TRAPPC9: variants seen among roughly 807,000 people sequenced by gnomAD.
TRAPPC9 encodes trafficking protein particle complex subunit 9, also known as IKK2 binding protein.
Under a neutral mutation model 124.0 loss-of-function variants are expected in TRAPPC9, and 83 were observed. The observed-to-expected ratio is 0.67, with a 90% CI of 0.56 to 0.80. The LOEUF (loss-of-function observed/expected upper bound fraction) is 0.80. TRAPPC9 is among the 30% of genes least tolerant of loss of function. TRAPPC9 has a pLI of 0.00. For missense variants in TRAPPC9, 1,302 were observed against 1,508.3 expected (o/e 0.86, Z 2.27); for synonymous variants, 638 against 617.5 (o/e 1.03, Z -0.49).
intron 7 of TRAPPC9, among the ~76,000 whole-genome samples, chr8:140,374,296 G>A (rs1000869729): frequency 5.9e-5 from 9 of 152,126 alleles, no homozygotes; most frequent in African/African-American, 1.4e-4. Context: ...TTGGCCGGGC[G>A]CAGTGGCGCA....
intron 18 of TRAPPC9, among the ~76,000 whole-genome samples, chr8:139,991,681 G>A (rs1033503334): frequency 4.6e-5 from 7 of 151,950 alleles, no homozygotes; most frequent in African/African-American, 1.7e-4. Flanking sequence ...TCTCTGAAGG[G>A]GACAGACACG....
In TRAPPC9 at chr8:139,949,617, T is replaced by C. The variant is rs548696549; in HGVS notation, c.2810+39109A>G. On this transcript the variant is annotated intron_variant, in intron 19 of 22. Coordinates refer to ENST00000438773, the MANE Select transcript of TRAPPC9 (RefSeq NM_001160372.4). ...TCAACATGAATAGACCCTGATTACA[T>C]TACATGCTGAGTAAAGCAGCCAGTC... Among the ~76,000 whole-genome samples, 21 of 152,224 alleles carry C rather than the reference T, an allele frequency of 1.4e-4. 1 individual carries two copies. In the South Asian group the frequency reaches 1.4e-3, roughly 10 times the overall value.
chr8:140,340,860 T>C, intron 9 of TRAPPC9, among the ~76,000 whole-genome samples: 1 of 152,228 alleles, frequency 6.6e-6, no homozygotes. Context: ...TGAGACTCTT[T>C]AAGAGCAGCA....
chr8:139,872,095 A>G (rs1828942110), intron 21 of TRAPPC9, among the ~76,000 whole-genome samples: 4 of 128,422 alleles, frequency 3.1e-5, no homozygotes, highest in African/African-American at 6.0e-5. Flanking sequence ...TGGTTGGATG[A>G]GTGGATGGAT....
intron 17 of TRAPPC9, among the ~76,000 whole-genome samples, chr8:140,108,128 G>T (rs2060701415): frequency 6.6e-6 from 1 of 151,680 alleles, no homozygotes; most frequent in Non-Finnish European, 1.5e-5. Context: ...GTGGGGGCGG[G>T]GAGTTAAGAA....
chr8:139,950,414 C>T (rs1563946195), intron 19 of TRAPPC9, among the ~76,000 whole-genome samples: 1 of 152,220 alleles, frequency 6.6e-6, no homozygotes, highest in African/African-American at 2.4e-5. Flanking sequence ...AATTGAAGTT[C>T]AGGGTGGTTG....
intron 20 of TRAPPC9, among the ~76,000 whole-genome samples, chr8:139,890,861 T>C (rs1050402437): frequency 6.6e-6 from 1 of 151,484 alleles, no homozygotes; most frequent in African/African-American, 2.4e-5. Flanking sequence ...AATAAAAAAA[T>C]TTAAAAATTT....
At chr8:139,935,592 G>T (rs1833457045) in intron 19 of TRAPPC9, among the ~76,000 whole-genome samples, 1 of 151,860 alleles carries the variant, frequency 6.6e-6, no homozygotes, top group Admixed American at 6.6e-5. Context: ...GCTCCAAGCT[G>T]GGAAACAGGG....
At chr8:140,101,142 G>A (rs764286491) in intron 17 of TRAPPC9, among the ~76,000 whole-genome samples, 16 of 152,170 alleles carry the variant, frequency 1.1e-4, no homozygotes, top group Non-Finnish European at 2.4e-4. Context: ...ATCAAAATGA[G>A]CATATCTTTT....
Position 140,360,066 on chromosome 8 carries a change from G to C in TRAPPC9, c.1479C>G (p.Asp493Glu). Reference protein sequence around the residue: ...HLSFLLQTMLDFLSDQEKKDV... With the variant: ...HLSFLLQTMLEFLSDQEKKDV... ...CTCACTCACCCTGATCCGACAAGAA[G>C]TCCAGCATGGTCTGTAGAAGGAAGG... Residue 493 changes from aspartate to glutamate, a missense_variant, in exon 9 of 23, where the codon GAC (aspartate) becomes GAG (glutamate). Physicochemically the swap from Asp to Glu is conservative, Grantham distance 45. Around this residue, in one of 3 missense-constraint regions of TRAPPC9, gnomAD observed 657 missense variants for 811.2 expected, o/e 0.81. Transcript: ENST00000438773. 3 of 1,614,178 alleles carry C rather than the reference G, an allele frequency of 1.9e-6. No homozygotes were observed. Among genetic ancestry groups the C allele is most frequent in the Non-Finnish European group, 2.5e-6 (3 of 1,180,038 alleles).
At chr8:140,190,092 AGGAG>A (rs2062452047) in intron 17 of TRAPPC9, among the ~76,000 whole-genome samples, 1 of 152,248 alleles carries the variant, frequency 6.6e-6, no homozygotes, top group African/African-American at 2.4e-5. Flanking sequence ...GTCCTATACC[AGGAG>A]CTCTGGTCGG....
intron 17 of TRAPPC9, among the ~76,000 whole-genome samples, chr8:140,202,741 A>G (rs2062823371): frequency 6.6e-6 from 1 of 152,218 alleles, no homozygotes; most frequent in Non-Finnish European, 1.5e-5. Flanking sequence ...TCCAGAGGTC[A>G]ATCTTAACCT....
At chr8:140,122,025 C>CTT (rs1487906471) in intron 17 of TRAPPC9, among the ~76,000 whole-genome samples, 6 of 127,152 alleles carry the variant, frequency 4.7e-5, no homozygotes, top group African/African-American at 2.3e-4. Context: ...TTCTTTCTTT[C>CTT]TCTCTCTCTC....
chr8:139,984,410 G>A lies in TRAPPC9; in HGVS notation c.2810+4316C>T, dbSNP rs998778109. 1.9e-4 allele frequency among the ~76,000 whole-genome samples: 29 copies of A among 149,882 alleles called. No individual in the cohort carries two copies. Among genetic ancestry groups the A allele is most frequent in the Non-Finnish European group, 3.6e-4 (24 of 67,346 alleles). On this transcript the variant is annotated intron_variant, in intron 19 of 22. Coordinates refer to ENST00000438773, the MANE Select transcript of TRAPPC9 (RefSeq NM_001160372.4). The surrounding 1 kb of genome is among the most constrained non-coding windows in gnomAD (Gnocchi z 4.3). ...CCCTCCCCACTCCAGAGGGCAGATC[G>A]CAGGCAAAAGAAGCTTCTTTAGGTT... is the stretch of plus-strand genomic sequence containing the variant.
intron 7 of TRAPPC9, among the ~76,000 whole-genome samples, chr8:140,378,024 G>A (rs1057192607): frequency 5.3e-5 from 8 of 152,092 alleles, no homozygotes; most frequent in African/African-American, 1.7e-4. Context: ...AGTGTATTTG[G>A]GGTCTAACAT....
At chr8:140,406,565 G>C in intron 5 of TRAPPC9, among the ~76,000 whole-genome samples, 1 of 152,088 alleles carries the variant, frequency 6.6e-6, no homozygotes, top group Non-Finnish European at 1.5e-5. Flanking sequence ...TTCTAATCTT[G>C]GTCCAGTTTT....
At chr8:139,973,863 C>T (rs1414334933) in intron 19 of TRAPPC9, among the ~76,000 whole-genome samples, 3 of 152,136 alleles carry the variant, frequency 2.0e-5, no homozygotes, top group Admixed American at 6.5e-5. Flanking sequence ...GCACCAGGCC[C>T]GTCAAGCTAC....
rs1162619353 is a variant in TRAPPC9 at position 140,087,537 on chromosome 8, C to T, written c.2557-63458G>A. Reference sequence around the variant, plus strand: ...CACATTCTAATCCCCACCGAGCTTCCTCCATCTCAGTAAATAAAACAACCA... The same window carrying T: ...CACATTCTAATCCCCACCGAGCTTCTTCCATCTCAGTAAATAAAACAACCA... On this transcript the variant is annotated intron_variant, in intron 17 of 22. Coordinates refer to ENST00000438773, the MANE Select transcript of TRAPPC9 (RefSeq NM_001160372.4). The surrounding 1 kb of genome is among the most constrained non-coding windows in gnomAD (Gnocchi z 4.6). Among the ~76,000 whole-genome samples, 1 of 152,218 alleles carries T rather than the reference C, an allele frequency of 6.6e-6. No individual in the cohort carries two copies. The highest frequency in any genetic ancestry group is 1.5e-5 in the Non-Finnish European group (1 of 68,038).
intron 19 of TRAPPC9, among the ~76,000 whole-genome samples, chr8:139,928,273 C>T (rs1832924808): frequency 6.6e-6 from 1 of 152,290 alleles, no homozygotes; most frequent in East Asian, 1.9e-4. Flanking sequence ...AGGTGAATCA[C>T]CTGAGGTCAG....
Sources: allele counts gnomAD v4.1 joint callset (sites outside exome capture counted in the v4.1 genomes callset), GRCh38; gene constraint gnomAD v4.1.1; regional missense constraint gnomAD v4.1.1; non-coding constraint Gnocchi (gnomAD v3.1); transcripts MANE v1.5; gene names NCBI Gene and HGNC (gene_info 2026-07-23, HGNC 2026-07-21).